SNX29: variants seen among roughly 807,000 people sequenced by gnomAD.
SNX29 encodes the protein sorting nexin-29.
Under a neutral mutation model 102.1 loss-of-function variants are expected in SNX29, and 78 were observed. The ratio of observed to expected loss-of-function variants is 0.76; its 90% CI spans 0.64 to 0.92. The LOEUF is 0.92. Ranked by LOEUF, SNX29 falls within the 40% of genes least tolerant of loss-of-function variation. The pLI is 0.00. For synonymous variants in SNX29, 580 were observed against 414.5 expected, an observed-to-expected ratio of 1.40 and a Z score of -4.85; for missense variants, 1,280 against 1,061.7, an observed-to-expected ratio of 1.21 and a Z score of -2.86.
chr16:12,201,267 T>C (rs1018839814), intron 14 of SNX29, among the ~76,000 whole-genome samples: 4 of 152,232 alleles, frequency 2.6e-5, no homozygotes, highest in African/African-American at 9.6e-5. Flanking sequence ...TACAGAATTA[T>C]TTATATGTTG....
chr16:12,167,503 T>C (rs561493136), intron 13 of SNX29, among the ~76,000 whole-genome samples: 49 of 152,314 alleles, frequency 3.2e-4, no homozygotes, highest in African/African-American at 1.2e-3. Flanking sequence ...ATCATCAATA[T>C]GATCATCATC....
intron 15 of SNX29, among the ~76,000 whole-genome samples, chr16:12,350,278 C>G (rs139369473): frequency 2.6e-5 from 4 of 152,290 alleles, no homozygotes; most frequent in Admixed American, 2.6e-4. Context: ...TGAACGTGTA[C>G]AGACTTTTTT....
chr16:12,570,039 C>T lies in SNX29; in HGVS notation c.*1410C>T, dbSNP rs569259421. The T allele has an allele frequency of 2.9e-5, 13 of 455,620 alleles. No individual in the cohort carries two copies. In the South Asian group the frequency reaches 3.0e-4, roughly 10 times the overall value. The allele number at this position is 455,620 out of a possible 1,614,324, so 28.2% of individuals were successfully genotyped here. The stretch of plus-strand genomic sequence containing the variant: ...TGCCCAGGTGAGCATGGAGCATCTC[C>T]TAGGCTCGAGGACATCTCTGGAGAA... On this transcript the variant is annotated 3_prime_UTR_variant, in exon 21 of 21. Transcript: ENST00000566228.
At chr16:12,056,284 C>T (rs2050518084) in intron 8 of SNX29, among the ~76,000 whole-genome samples, 1 of 152,128 alleles carries the variant, frequency 6.6e-6, no homozygotes, top group Non-Finnish European at 1.5e-5. Flanking sequence ...CAAGGCAGCC[C>T]CCAGCATTGT....
At chr16:12,488,056 G>A (rs2088337507) in intron 19 of SNX29, among the ~76,000 whole-genome samples, 2 of 152,162 alleles carry the variant, frequency 1.3e-5, no homozygotes, top group African/African-American at 4.8e-5. Flanking sequence ...TGTATGTGGA[G>A]GCCTATGCAT....
At chr16:12,542,421 C>G (rs151165876) in intron 20 of SNX29, among the ~76,000 whole-genome samples, 6 of 152,210 alleles carry the variant, frequency 3.9e-5, no homozygotes, top group African/African-American at 1.4e-4. Flanking sequence ...CTACAGCCTT[C>G]GCCTCCCAAG....
chr16:12,546,538 C>G (rs1232074222), intron 20 of SNX29: 4 of 152,190 alleles, frequency 2.6e-5, no homozygotes, highest in African/African-American at 9.7e-5. Flanking sequence ...GGGTCCCTCC[C>G]ATGATACATG....
chr16:12,544,898 G>C (rs1597874198), intron 20 of SNX29, among the ~76,000 whole-genome samples: 2 of 152,206 alleles, frequency 1.3e-5, no homozygotes, highest in South Asian at 4.1e-4. Flanking sequence ...CAGTGGGCCA[G>C]TAATCAATAG....
At chr16:12,520,068 C>T (rs1367177970) in intron 19 of SNX29, among the ~76,000 whole-genome samples, 1 of 152,116 alleles carries the variant, frequency 6.6e-6, no homozygotes, top group African/African-American at 2.4e-5. Flanking sequence ...GGAATATAGC[C>T]TTCCATGAAT....
chr16:12,105,699 C>A (rs1331049086), intron 11 of SNX29, among the ~76,000 whole-genome samples: 2 of 152,152 alleles, frequency 1.3e-5, no homozygotes, highest in Non-Finnish European at 2.9e-5. Flanking sequence ...TGCTGTGTTT[C>A]CAGGGTCTCC....
intron 19 of SNX29, among the ~76,000 whole-genome samples, chr16:12,491,510 G>GTTT (rs147506042): frequency 6.6e-6 from 1 of 150,410 alleles, no homozygotes; most frequent in East Asian, 2.0e-4. Flanking sequence ...TGCTGCTGTT[G>GTTT]TTTTTTTTTA....
At chr16:12,540,346 G>T (rs564233892) in intron 20 of SNX29, among the ~76,000 whole-genome samples, 1 of 152,150 alleles carries the variant, frequency 6.6e-6, no homozygotes, top group African/African-American at 2.4e-5. Flanking sequence ...AAAGAGGAAC[G>T]TTATCCCCTG....
chr16:12,352,381 G>A (rs918361573), intron 15 of SNX29, among the ~76,000 whole-genome samples: 1 of 152,134 alleles, frequency 6.6e-6, no homozygotes, highest in African/African-American at 2.4e-5. Flanking sequence ...TGGGGGAAGG[G>A]GGGAGGGATA....
chr16:12,345,173 A>G (rs918508441), intron 15 of SNX29, among the ~76,000 whole-genome samples: 2 of 152,222 alleles, frequency 1.3e-5, no homozygotes, highest in Admixed American at 6.5e-5. Flanking sequence ...GCTCTGCGCT[A>G]GAGCTGTGAA....
chr16:12,298,270 G>T (rs1467942858), intron 15 of SNX29, among the ~76,000 whole-genome samples: 1 of 152,160 alleles, frequency 6.6e-6, no homozygotes, highest in African/African-American at 2.4e-5. Flanking sequence ...AATTCATAAT[G>T]CAATGAATAA....
At chr16:12,403,196 GTGTGTA>G (rs869092037) in intron 17 of SNX29, among the ~76,000 whole-genome samples, 2,979 of 82,816 alleles carry the variant, frequency 0.036, 90 homozygotes, top group East Asian at 0.12. Context: ...TACAGATTGT[GTGTGTA>G]TGTGTGTGTG....
At chr16:12,110,273 T>A (rs1303877575) in intron 11 of SNX29, among the ~76,000 whole-genome samples, 1 of 152,140 alleles carries the variant, frequency 6.6e-6, no homozygotes, top group African/African-American at 2.4e-5. Context: ...GCATCCTTTA[T>A]TTCCTGGGGT....
chr16:11,986,279 C>A (rs185229990), intron 1 of SNX29, among the ~76,000 whole-genome samples: 4 of 151,814 alleles, frequency 2.6e-5, no homozygotes, highest in African/African-American at 7.3e-5. Flanking sequence ...CAGGCAGTAC[C>A]CCGCTTCCTC....
chr16:12,027,119 G>A (rs1053989494), intron 3 of SNX29, among the ~76,000 whole-genome samples: 2 of 152,182 alleles, frequency 1.3e-5, no homozygotes, highest in African/African-American at 4.8e-5. Flanking sequence ...GGCATCCTGA[G>A]CTCTGTGAAA....
Sources: gnomAD v4.1 joint callset for allele counts (sites outside exome capture counted in the v4.1 genomes callset) on GRCh38, gnomAD v4.1.1 for gene constraint, MANE v1.5 for transcripts, NCBI Gene and HGNC (gene_info 2026-07-23, HGNC 2026-07-21) for gene names.